SIDT1: variants seen among roughly 807,000 people sequenced by gnomAD.
SIDT1 encodes SID1 transmembrane family member 1, also known as SID1 transmembrane family, member 1.
SIDT1 carries 101 observed loss-of-function variants against 107.5 expected under a neutral mutation model. That is an observed-to-expected ratio of 0.94 (90% CI 0.80 to 1.11). The LOEUF is 1.11. Ranked by LOEUF, SIDT1 falls within the 50% of genes least tolerant of loss-of-function variation. SIDT1 has a pLI of 0.00. For missense variants in SIDT1, 1,076 were observed against 1,058.2 expected (o/e 1.02, Z -0.23); for synonymous variants, 395 against 398.2 (o/e 0.99, Z 0.10).
intron 1 of SIDT1, among the ~76,000 whole-genome samples, chr3:113,561,706 T>C (rs1941444753): frequency 6.6e-6 from 1 of 152,246 alleles, no homozygotes; most frequent in Non-Finnish European, 1.5e-5. Context: ...TAAAAATTTA[T>C]ATTTTTAAGT....
intron 3 of SIDT1, among the ~76,000 whole-genome samples, chr3:113,575,666 G>T (rs1230257201): frequency 6.6e-6 from 1 of 152,198 alleles, no homozygotes; most frequent in Non-Finnish European, 1.5e-5. Context: ...CTAAATTGTG[G>T]TCATTACCTT....
At chr3:113,547,007 A>C (rs1213503346) in intron 1 of SIDT1, among the ~76,000 whole-genome samples, 1 of 152,176 alleles carries the variant, frequency 6.6e-6, no homozygotes, top group African/African-American at 2.4e-5. Context: ...TTTGAAAAGG[A>C]AAATATCAAG....
At chr3:113,610,371 C>T (rs555422241) in intron 17 of SIDT1, among the ~76,000 whole-genome samples, 1 of 152,304 alleles carries the variant, frequency 6.6e-6, no homozygotes, top group Admixed American at 6.5e-5. Context: ...TGAGACTTCC[C>T]ATTCCCCAGA....
rs1455106432 is a variant in SIDT1, at chr3:113,615,976, G to A, written c.1967-124G>A. ...TTATTGCGCACCTATTAGGTGCAAA[G>A]CATTCTAATGCATTTTAATGAAGTG... On this transcript the variant is annotated intron_variant, in intron 19 of 24. Transcript: ENST00000264852. 5.3e-6 allele frequency: 4 copies of A among 757,294 alleles called. No homozygotes were observed. The Admixed American group carries it at 7.2e-5, about 14-fold the overall frequency. The allele number at this position is 757,294 out of a possible 1,614,324, so 46.9% of individuals were successfully genotyped here.
chr3:113,634,272 G>A (rs1440715487), downstream of SIDT1, among the ~76,000 whole-genome samples: 2 of 152,132 alleles, frequency 1.3e-5, no homozygotes, highest in Non-Finnish European at 2.9e-5. Flanking sequence ...CCCTCTTAGT[G>A]AGATCTTACT....
intron 1 of SIDT1, among the ~76,000 whole-genome samples, chr3:113,561,681 C>A (rs1941441801): frequency 6.6e-6 from 1 of 152,182 alleles, no homozygotes; most frequent in Non-Finnish European, 1.5e-5. Context: ...ACATCAGAAT[C>A]CCCCAGCAGC....
At chr3:113,552,959 G>A (rs1940438112) in intron 1 of SIDT1, among the ~76,000 whole-genome samples, 1 of 152,176 alleles carries the variant, frequency 6.6e-6, no homozygotes. Context: ...CATCTTCATG[G>A]AGGGAGCTGA....
chr3:113,569,033 C>T (rs865898377), intron 3 of SIDT1, among the ~76,000 whole-genome samples: 18 of 148,468 alleles, frequency 1.2e-4, no homozygotes, highest in Middle Eastern at 3.5e-3. Flanking sequence ...CCAGCTAATC[C>T]GGAGGCTGAG....
chr3:113,570,008 C>T (rs7616118), intron 3 of SIDT1, among the ~76,000 whole-genome samples: 22,323 of 152,090 alleles, frequency 0.15, 1,739 homozygotes, highest in Non-Finnish European at 0.19. Context: ...TGGGTTCAAG[C>T]GATTCTTGTG....
intron 1 of SIDT1, among the ~76,000 whole-genome samples, chr3:113,536,944 G>T (rs1325654548): frequency 6.6e-6 from 1 of 152,196 alleles, no homozygotes; most frequent in Non-Finnish European, 1.5e-5. Flanking sequence ...CAGGCTAGAA[G>T]GAAACTAACT....
intron 1 of SIDT1, among the ~76,000 whole-genome samples, chr3:113,533,682 G>A (rs1020963275): frequency 6.6e-6 from 1 of 152,190 alleles, no homozygotes; most frequent in African/African-American, 2.4e-5. Flanking sequence ...TAGCGCATGG[G>A]GAGGGAGAAC....
At chr3:113,577,880 T>C (rs991142568) in intron 4 of SIDT1, among the ~76,000 whole-genome samples, 8 of 152,238 alleles carry the variant, frequency 5.3e-5, no homozygotes, top group African/African-American at 1.4e-4. Context: ...TGCCCATTTC[T>C]GTGGTGTAAA....
At position 113,615,116 on chromosome 3, in the gene SIDT1, T is replaced by C. The variant is rs1311382004; in HGVS notation, c.1967-984T>C. On this transcript the variant is annotated intron_variant, in intron 19 of 24. Coordinates refer to ENST00000264852, the MANE Select transcript of SIDT1 (RefSeq NM_017699.3). ...ACCCTTTCCAGGGGTCTAGATTGTTTTTGTATCAAAGTGATCCACCTGGCT... is the reference window on the plus strand; with the variant it reads ...ACCCTTTCCAGGGGTCTAGATTGTTCTTGTATCAAAGTGATCCACCTGGCT... 1.2e-5 allele frequency: 19 copies of C among 1,535,056 alleles called. No homozygotes were observed. The East Asian group carries it at 4.6e-4, about 38-fold the overall frequency.
At chr3:113,605,072 C>CCAT in intron 14 of SIDT1, 96 bp downstream of exon 14, 1 of 1,320,290 alleles carries the variant, frequency 7.6e-7, no homozygotes, top group Non-Finnish European at 1.1e-6. Context: ...AACTTAGGAT[C>CCAT]CATTCAGGAA....
At chr3:113,616,225 A>C in intron 20 of SIDT1, 49 bp downstream of exon 20, 2 of 1,419,226 alleles carry the variant, frequency 1.4e-6, no homozygotes. Flanking sequence ...AAAGCAGGGG[A>C]ATAGTAGGAG....
chr3:113,625,157 G>GGGGCGGGGGT (rs1217534349), intron 23 of SIDT1, among the ~76,000 whole-genome samples: 3 of 142,708 alleles, frequency 2.1e-5, no homozygotes, highest in Admixed American at 2.1e-4. Context: ...GGGGCGGGGG[G>GGGGCGGGGGT]ACGGGGTCTC....
At chr3:113,540,586 G>A (rs1938708111) in intron 1 of SIDT1, among the ~76,000 whole-genome samples, 2 of 152,104 alleles carry the variant, frequency 1.3e-5, no homozygotes, top group Admixed American at 1.3e-4. Flanking sequence ...TAGGCTCATT[G>A]TTTCATTTTA....
In SIDT1 at chr3:113,603,984, T is replaced by C. The variant is rs1301419268; in HGVS notation, c.1288T>C (p.Ser430Pro). ...GATGTTCCTTTACCTGTCAGATTTG[T>C]CCAGGAAGGACCGGAGAATTGTCAG... ...TKMFLYLSDL[S>P]RKDRRIVSKK... Residue 430 changes from serine (S) to proline (P), a missense_variant, in exon 13 of 25, where the codon TCC becomes CCC. Ser to Pro is a moderately conservative substitution (Grantham distance 74). Transcript: ENST00000264852. 6.2e-7 allele frequency: 1 copy of C among 1,612,466 alleles called. No individual in the cohort carries two copies. Among genetic ancestry groups the C allele is most frequent in the Non-Finnish European group, 8.5e-7 (1 of 1,179,084 alleles).
At chr3:113,570,626 G>A (rs1942364478) in intron 3 of SIDT1, among the ~76,000 whole-genome samples, 1 of 152,172 alleles carries the variant, frequency 6.6e-6, no homozygotes, top group Non-Finnish European at 1.5e-5. Context: ...CAGACTTTAA[G>A]AGCATTTCAA....
Sources: allele counts gnomAD v4.1 joint callset (sites outside exome capture counted in the v4.1 genomes callset), GRCh38; gene constraint gnomAD v4.1.1; transcripts MANE v1.5; gene names NCBI Gene and HGNC (gene_info 2026-07-23, HGNC 2026-07-21).